Variants in ARNT2 observed in about 807,000 individuals in gnomAD.
The protein encoded by ARNT2 is aryl hydrocarbon receptor nuclear translocator 2.
A neutral mutation model predicts 91.7 loss-of-function variants in ARNT2; 36 were observed. That is an observed-to-expected ratio of 0.39 (90% CI 0.30 to 0.52). ARNT2 has a LOEUF of 0.52. Among genes scored for constraint, ARNT2 ranks in the 20% least tolerant of loss-of-function variants. The probability of loss-of-function intolerance (pLI) is 0.72; values close to 1 mark genes in which losing one functional copy is unlikely to be tolerated. For synonymous variants in ARNT2, 365 were observed against 347.1 expected (o/e 1.05, Z -0.57); for missense variants, 775 against 939.3 (o/e 0.83, Z 2.29).
At chr15:80,545,332 C>A (rs986681735) in intron 8 of ARNT2, among the ~76,000 whole-genome samples, 2 of 152,176 alleles carry the variant, frequency 1.3e-5, no homozygotes, top group African/African-American at 4.8e-5. Context: ...TCCTGAGGGG[C>A]AAGAAACTGG....
intron 1 of ARNT2, among the ~76,000 whole-genome samples, chr15:80,407,566 C>T (rs1895618635): frequency 2.0e-5 from 3 of 152,188 alleles, no homozygotes; most frequent in Admixed American, 1.3e-4. Context: ...CCCCTGGTGC[C>T]TCCTCCTTCT....
intron 3 of ARNT2, among the ~76,000 whole-genome samples, chr15:80,468,603 C>A (rs558802446): frequency 6.6e-6 from 1 of 152,214 alleles, no homozygotes; most frequent in East Asian, 1.9e-4. Context: ...TCCTCCCTAC[C>A]CCTTCTAGCA....
chr15:80,530,770 C>T (rs56329673), intron 8 of ARNT2, among the ~76,000 whole-genome samples: 1,791 of 152,174 alleles, frequency 0.012, 38 homozygotes, highest in African/African-American at 0.041. Flanking sequence ...CCAGCAGAAA[C>T]CCTGAAATGC....
intron 2 of ARNT2, among the ~76,000 whole-genome samples, chr15:80,455,306 C>T (rs868663584): frequency 4.6e-5 from 7 of 152,144 alleles, no homozygotes; most frequent in Admixed American, 1.3e-4. Flanking sequence ...GATTTACCTC[C>T]TGGTTCGCCT....
At chr15:80,480,533 G>A (rs558827673) in intron 5 of ARNT2, among the ~76,000 whole-genome samples, 2 of 152,276 alleles carry the variant, frequency 1.3e-5, no homozygotes, top group African/African-American at 4.8e-5. Context: ...GAAAGTGGAT[G>A]TGCACAAGCA....
At chr15:80,417,067 CAAAT>C (rs1454245346) in intron 1 of ARNT2, among the ~76,000 whole-genome samples, 1 of 152,058 alleles carries the variant, frequency 6.6e-6, no homozygotes, top group African/African-American at 2.4e-5. Flanking sequence ...TTTCATTTAA[CAAAT>C]AAAATAATTA....
At position 80,404,474 on chromosome 15, in the gene ARNT2, C is replaced by T; in HGVS notation, c.-42C>T. 3.3e-6 allele frequency: 4 copies of T among 1,212,458 alleles called. No individual in the cohort carries two copies. The highest frequency in any genetic ancestry group is 1.6e-5 in the South Asian group (1 of 60,980). The allele number at this position is 1,212,458 out of a possible 1,614,324, so 75.1% of individuals were successfully genotyped here. On this transcript the variant is annotated 5_prime_UTR_variant, in exon 1 of 19. Transcript: ENST00000303329. The surrounding 1 kb of genome is among the most constrained non-coding windows in gnomAD (Gnocchi z 5.5). ...GAGCGCCGGGCTCCGCGCCGCCCCT[C>T]CCGCGCCCCTGCCAAGCGGGCGCCT...
At position 80,591,447 on chromosome 15, in the gene ARNT2, C is replaced by T. The variant is rs1021828376; in HGVS notation, c.1919-121C>T. ...AGACGAGGATAGCAAACACATTCCG[C>T]CAGCTCTGGATGGAACGTGCCTTTC... On this transcript the variant is annotated intron_variant, in intron 17 of 18. Transcript: ENST00000303329. The surrounding 1 kb of genome is among the most constrained non-coding windows in gnomAD (Gnocchi z 5.1). The T allele has an allele frequency of 1.6e-6, 2 of 1,280,302 alleles. No individual in the cohort carries two copies. Among genetic ancestry groups the T allele is most frequent in the African/African-American group, 2.9e-5 (2 of 67,992 alleles). 79.3% of individuals were successfully genotyped at this position (1,280,302 alleles called of 1,614,324 possible).
At chr15:80,550,925 G>T in intron 8 of ARNT2, among the ~76,000 whole-genome samples, 1 of 152,380 alleles carries the variant, frequency 6.6e-6, no homozygotes. Context: ...AGTTGTACAA[G>T]TGTACAGAAT....
chr15:80,481,231 T>C (rs188168970), intron 5 of ARNT2, among the ~76,000 whole-genome samples: 2 of 152,338 alleles, frequency 1.3e-5, no homozygotes, highest in Admixed American at 1.3e-4. Context: ...TGGGCACAGA[T>C]AGCAGCTCAC....
chr15:80,436,691 T>A (rs1384962074), intron 1 of ARNT2, among the ~76,000 whole-genome samples: 1 of 152,178 alleles, frequency 6.6e-6, no homozygotes, highest in Non-Finnish European at 1.5e-5. Context: ...TCAGTACACG[T>A]GGAGAAGGGG....
At chr15:80,418,553 G>A (rs1895818049) in intron 1 of ARNT2, among the ~76,000 whole-genome samples, 1 of 152,186 alleles carries the variant, frequency 6.6e-6, no homozygotes, top group Non-Finnish European at 1.5e-5. Flanking sequence ...TGACAGAGTG[G>A]GGTAAGGTTC....
At chr15:80,449,298 T>C (rs1023101425) in intron 1 of ARNT2, among the ~76,000 whole-genome samples, 2 of 152,234 alleles carry the variant, frequency 1.3e-5, no homozygotes, top group Non-Finnish European at 2.9e-5. Flanking sequence ...GTAGTGACTT[T>C]CATTGTCATC....
At chr15:80,565,751 T>G (rs556678032) in intron 12 of ARNT2, among the ~76,000 whole-genome samples, 1 of 152,326 alleles carries the variant, frequency 6.6e-6, no homozygotes, top group African/African-American at 2.4e-5. Context: ...ATTGATTTGT[T>G]TAAATTCCTT....
At chr15:80,553,909 T>C (rs1409835153) in intron 10 of ARNT2, among the ~76,000 whole-genome samples, 1 of 152,106 alleles carries the variant, frequency 6.6e-6, no homozygotes, top group Non-Finnish European at 1.5e-5. Flanking sequence ...TTGGATGAAA[T>C]AAAGGGAGAA....
intron 8 of ARNT2, among the ~76,000 whole-genome samples, chr15:80,534,921 G>A (rs541917828): frequency 2.6e-4 from 39 of 152,266 alleles, no homozygotes; most frequent in Non-Finnish European, 2.9e-4. Flanking sequence ...AGGTTCAGCC[G>A]TTCTCTACTC....
chr15:80,452,451 C>T (rs538236041), intron 2 of ARNT2, among the ~76,000 whole-genome samples: 43 of 152,300 alleles, frequency 2.8e-4, no homozygotes, highest in Admixed American at 1.1e-3. Flanking sequence ...CCCAGCCATC[C>T]GATTTCAACC....
At chr15:80,414,668 G>C (rs1479588621) in intron 1 of ARNT2, among the ~76,000 whole-genome samples, 1 of 152,080 alleles carries the variant, frequency 6.6e-6, no homozygotes, top group Non-Finnish European at 1.5e-5. Flanking sequence ...GCATAGTCTG[G>C]AATCGTTTGC....
chr15:80,428,967 A>T (rs1235766528), intron 1 of ARNT2, among the ~76,000 whole-genome samples: 1 of 152,242 alleles, frequency 6.6e-6, no homozygotes, highest in Admixed American at 6.5e-5. Context: ...GGAGATTCTT[A>T]TTAGAATACT....
Sources: gnomAD v4.1 joint callset for allele counts (sites outside exome capture counted in the v4.1 genomes callset) on GRCh38, gnomAD v4.1.1 for gene constraint, Gnocchi (gnomAD v3.1) non-coding constraint, MANE v1.5 for transcripts, NCBI Gene and HGNC (gene_info 2026-07-23, HGNC 2026-07-21) for gene names.